GRIN2B: variants seen among roughly 807,000 people sequenced by gnomAD.
GRIN2B encodes glutamate receptor ionotropic, NMDA 2B.
A neutral mutation model predicts 114.5 loss-of-function variants in GRIN2B; 5 were observed. That is an observed-to-expected ratio of 0.04 (90% CI 0.02 to 0.09). GRIN2B has a LOEUF of 0.09. GRIN2B is among the 10% of genes least tolerant of loss of function. GRIN2B has a pLI of 1.00. For synonymous variants in GRIN2B, 787 were observed against 745.1 expected, an observed-to-expected ratio of 1.06 and a Z score of -0.92; for missense variants, 1,108 against 1,943.5, an observed-to-expected ratio of 0.57 and a Z score of 8.08.
chr12:13,874,362 G>T (rs189893151), intron 2 of GRIN2B, among the ~76,000 whole-genome samples: 5 of 152,306 alleles, frequency 3.3e-5, no homozygotes, highest in Admixed American at 3.3e-4. Flanking sequence ...GGTTTGTACA[G>T]ATAACTAATA....
At chr12:13,793,616 G>A (rs1057045127) in intron 3 of GRIN2B, among the ~76,000 whole-genome samples, 3 of 151,976 alleles carry the variant, frequency 2.0e-5, no homozygotes, top group African/African-American at 2.4e-5. Context: ...TTCCTAATTC[G>A]AATCCACTCC....
intron 12 of GRIN2B, among the ~76,000 whole-genome samples, chr12:13,567,830 T>C (rs1217010502): frequency 6.6e-6 from 1 of 152,072 alleles, no homozygotes; most frequent in Non-Finnish European, 1.5e-5. Context: ...CAAAAGAAGC[T>C]GAATAAAAAA....
intron 5 of GRIN2B, among the ~76,000 whole-genome samples, chr12:13,646,014 G>A (rs1949758493): frequency 6.6e-6 from 1 of 152,100 alleles, no homozygotes; most frequent in Non-Finnish European, 1.5e-5. Context: ...CTTCTAGTCA[G>A]TCACCTTGGA....
intron 5 of GRIN2B, among the ~76,000 whole-genome samples, chr12:13,632,754 G>A (rs1167934392): frequency 6.6e-6 from 1 of 152,186 alleles, no homozygotes; most frequent in Non-Finnish European, 1.5e-5. Flanking sequence ...GAGGGAGGGT[G>A]TGCAGGTAGA....
At chr12:13,959,556 A>C (rs902256186) in intron 2 of GRIN2B, among the ~76,000 whole-genome samples, 2 of 152,084 alleles carry the variant, frequency 1.3e-5, no homozygotes, top group South Asian at 2.1e-4. Flanking sequence ...TAGCCATGGA[A>C]ATGGAAAATG....
At chr12:13,754,770 A>G (rs1391075928) in intron 3 of GRIN2B, among the ~76,000 whole-genome samples, 3 of 152,176 alleles carry the variant, frequency 2.0e-5, no homozygotes, top group African/African-American at 7.2e-5. Flanking sequence ...TCTCTGACCT[A>G]CAGGACACCA....
intron 4 of GRIN2B, among the ~76,000 whole-genome samples, chr12:13,722,962 C>T (rs1001508049): frequency 2.0e-5 from 3 of 152,052 alleles, no homozygotes; most frequent in Admixed American, 6.5e-5. Flanking sequence ...GCCAACTTCA[C>T]GGAGCACCTC....
chr12:13,883,836 T>C (rs1866106362), intron 2 of GRIN2B, among the ~76,000 whole-genome samples: 1 of 152,196 alleles, frequency 6.6e-6, no homozygotes, highest in African/African-American at 2.4e-5. Flanking sequence ...ATACATTTTG[T>C]ATATCTAGAA....
intron 2 of GRIN2B, among the ~76,000 whole-genome samples, chr12:13,920,914 C>A (rs139160742): frequency 6.6e-6 from 1 of 152,186 alleles, no homozygotes; most frequent in Non-Finnish European, 1.5e-5. Flanking sequence ...CTGACTAATA[C>A]ATTAGTCTGC....
At chr12:13,857,115 G>A (rs1225263392) in intron 3 of GRIN2B, among the ~76,000 whole-genome samples, 2 of 152,174 alleles carry the variant, frequency 1.3e-5, no homozygotes, top group African/African-American at 2.4e-5. Context: ...AGATGAGGAA[G>A]TGCAAAAGGC....
At chr12:13,815,514 G>A (rs549821361) in intron 3 of GRIN2B, among the ~76,000 whole-genome samples, 2 of 152,298 alleles carry the variant, frequency 1.3e-5, no homozygotes, top group African/African-American at 4.8e-5. Context: ...GAAGGAAATG[G>A]AATCATTAGA....
chr12:13,637,965 T>C (rs1249795926), intron 5 of GRIN2B, among the ~76,000 whole-genome samples: 1 of 152,154 alleles, frequency 6.6e-6, no homozygotes, highest in Non-Finnish European at 1.5e-5. Context: ...ATAAGTGTTA[T>C]GTGTCTGAGT....
chr12:13,607,884 C>T (rs1227483512), intron 10 of GRIN2B, among the ~76,000 whole-genome samples: 1 of 152,144 alleles, frequency 6.6e-6, no homozygotes, highest in Non-Finnish European at 1.5e-5. Flanking sequence ...TACATAGTTT[C>T]AGGAGACAGA....
chr12:13,733,460 C>T (rs1055249950), intron 4 of GRIN2B, among the ~76,000 whole-genome samples: 13 of 152,128 alleles, frequency 8.5e-5, no homozygotes, highest in African/African-American at 2.9e-4. Context: ...TTAGGGTTCA[C>T]TGAGGCAAGG....
intron 5 of GRIN2B, among the ~76,000 whole-genome samples, chr12:13,654,213 T>G (rs890013035): frequency 6.6e-6 from 1 of 152,088 alleles, no homozygotes; most frequent in African/African-American, 2.4e-5. Context: ...CTGGAATTAT[T>G]ATGATAAGAG....
intron 12 of GRIN2B, among the ~76,000 whole-genome samples, chr12:13,569,259 T>C (rs1378078867): frequency 6.6e-6 from 1 of 152,198 alleles, no homozygotes; most frequent in Non-Finnish European, 1.5e-5. Context: ...GTTGAAGTCC[T>C]AACCCCCAAT....
chr12:13,543,654 T>C lies in GRIN2B; in HGVS notation c.*19129A>G, dbSNP rs907805420. The C allele has an allele frequency of 3.3e-5, 5 of 152,214 alleles. No homozygotes were observed. Among genetic ancestry groups the C allele is most frequent in the African/African-American group, 1.2e-4 (5 of 41,464 alleles). The allele number at this position is 152,214 out of a possible 1,614,324, so 9.4% of individuals were successfully genotyped here. On this transcript the variant is annotated 3_prime_UTR_variant, in exon 14 of 14. Coordinates refer to ENST00000609686, the MANE Select transcript of GRIN2B (RefSeq NM_000834.5). ...CCTAGCATGTCTCCTATATTTTTGG[T>C]GTCTCCGACATTTTTGTTCTCACTC...
intron 3 of GRIN2B, among the ~76,000 whole-genome samples, chr12:13,755,680 C>T (rs977583170): frequency 6.6e-6 from 1 of 152,220 alleles, no homozygotes; most frequent in Non-Finnish European, 1.5e-5. Flanking sequence ...TCTCCTACTA[C>T]ATGAGTACAA....
chr12:13,832,171 G>A lies in GRIN2B; in HGVS notation c.411+33627C>T, dbSNP rs530651514. Among the ~76,000 whole-genome samples, 15 of 152,240 alleles carry A rather than the reference G, an allele frequency of 9.9e-5. 1 individual carries two copies. In the South Asian group the frequency reaches 2.5e-3, roughly 25 times the overall value. The stretch of plus-strand genomic sequence containing the variant: ...CTAAGAACTATGTTTCTTCTTACAC[G>A]TATTTATTCTTATTATGAGAACATT... On this transcript the variant is annotated intron_variant, in intron 3 of 13. Transcript: ENST00000609686.
Sources: allele counts gnomAD v4.1 joint callset (sites outside exome capture counted in the v4.1 genomes callset), GRCh38; gene constraint gnomAD v4.1.1; transcripts MANE v1.5; gene names NCBI Gene and HGNC (gene_info 2026-07-23, HGNC 2026-07-21).